SPIRE1: variants seen among roughly 807,000 people sequenced by gnomAD.
The protein encoded by SPIRE1 is protein spire homolog 1.
A neutral mutation model predicts 94.1 loss-of-function variants in SPIRE1; 40 were observed. The ratio of observed to expected loss-of-function variants is 0.43; its 90% CI spans 0.33 to 0.55. The LOEUF is 0.55. Ranked by LOEUF, SPIRE1 falls within the 20% of genes least tolerant of loss-of-function variation. The pLI is 0.06. For missense variants in SPIRE1, 838 were observed against 975.2 expected (o/e 0.86, Z 1.87); for synonymous variants, 376 against 371.7 (o/e 1.01, Z -0.13).
At chr18:12,527,109 G>A (rs2034545179) in intron 4 of SPIRE1, among the ~76,000 whole-genome samples, 1 of 152,118 alleles carries the variant, frequency 6.6e-6, no homozygotes, top group South Asian at 2.1e-4. Flanking sequence ...GCTTTGTGAT[G>A]TCTCCATATG....
chr18:12,589,635 C>A (rs2036476671), intron 2 of SPIRE1, among the ~76,000 whole-genome samples: 1 of 152,150 alleles, frequency 6.6e-6, no homozygotes, highest in African/African-American at 2.4e-5. Flanking sequence ...CTAAAAAAAT[C>A]TTCTGTGCCA....
chr18:12,581,472 A>C (rs1182823595), intron 2 of SPIRE1, among the ~76,000 whole-genome samples: 1 of 152,204 alleles, frequency 6.6e-6, no homozygotes, highest in Non-Finnish European at 1.5e-5. Context: ...AAAATTTAAA[A>C]AGTAAAAAAG....
chr18:12,525,291 A>AT (rs1216976737), intron 4 of SPIRE1, among the ~76,000 whole-genome samples: 89 of 146,682 alleles, frequency 6.1e-4, no homozygotes, highest in African/African-American at 1.9e-3. Flanking sequence ...AAAAAAAAAA[A>AT]AAAAAAATAA....
At chr18:12,578,821 C>T (rs1050179278) in intron 2 of SPIRE1, among the ~76,000 whole-genome samples, 2 of 152,134 alleles carry the variant, frequency 1.3e-5, no homozygotes, top group African/African-American at 4.8e-5. Context: ...AAGAAACACA[C>T]AGGCTATAAA....
intron 10 of SPIRE1, among the ~76,000 whole-genome samples, chr18:12,466,953 A>G (rs369641180): frequency 3.9e-4 from 60 of 152,204 alleles, no homozygotes; most frequent in African/African-American, 1.0e-3. Context: ...AACAGGGCGG[A>G]AAAAAAGGCC....
chr18:12,624,976 C>T (rs1238388262), intron 2 of SPIRE1, among the ~76,000 whole-genome samples: 2 of 151,206 alleles, frequency 1.3e-5, no homozygotes. Flanking sequence ...AATTATGTAT[C>T]CTATGGTCAA....
chr18:12,569,511 C>T (rs573547423), intron 2 of SPIRE1, among the ~76,000 whole-genome samples: 14 of 151,984 alleles, frequency 9.2e-5, no homozygotes, highest in Admixed American at 5.2e-4. Flanking sequence ...ACAAGGGGGG[C>T]TACCAGAAAA....
At chr18:12,635,747 A>C (rs933723689) in intron 1 of SPIRE1, among the ~76,000 whole-genome samples, 1 of 152,212 alleles carries the variant, frequency 6.6e-6, no homozygotes, top group Admixed American at 6.5e-5. Flanking sequence ...CATTTCTGTC[A>C]ATGTCGCTGA....
chr18:12,505,336 G>A (rs2033791948), intron 6 of SPIRE1, among the ~76,000 whole-genome samples: 2 of 152,026 alleles, frequency 1.3e-5, no homozygotes, highest in Non-Finnish European at 2.9e-5. Flanking sequence ...CTTGAGCTCT[G>A]TTAGGAATTA....
chr18:12,572,052 T>C (rs976865067), intron 2 of SPIRE1, among the ~76,000 whole-genome samples: 1 of 152,010 alleles, frequency 6.6e-6, no homozygotes, highest in African/African-American at 2.4e-5. Flanking sequence ...CAGGAGCAGA[T>C]GGGGTTACAG....
At chr18:12,633,969 C>G (rs1016376076) in intron 2 of SPIRE1, among the ~76,000 whole-genome samples, 1 of 152,178 alleles carries the variant, frequency 6.6e-6, no homozygotes, top group Non-Finnish European at 1.5e-5. Flanking sequence ...ATAAACCAGG[C>G]CAGGCACAGT....
At chr18:12,488,212 G>A (rs557485709) in intron 8 of SPIRE1, among the ~76,000 whole-genome samples, 46 of 152,322 alleles carry the variant, frequency 3.0e-4, no homozygotes, top group African/African-American at 1.0e-3. Context: ...CATATAAAGA[G>A]GGTAGAATAA....
intron 3 of SPIRE1, among the ~76,000 whole-genome samples, chr18:12,543,309 A>T (rs2035062287): frequency 6.6e-6 from 1 of 152,158 alleles, no homozygotes; most frequent in Admixed American, 6.5e-5. Flanking sequence ...AAACAAAAAA[A>T]GATCTCACTG....
In SPIRE1 at chr18:12,461,196, T is replaced by C. The variant is rs555090237; in HGVS notation, c.1638+2155A>G. ...GAAGGTCTCAGCATAACTTCTATTATAAGCTGAAACTACCTTGTAGCTAAG... is the reference window on the plus strand; with the variant it reads ...GAAGGTCTCAGCATAACTTCTATTACAAGCTGAAACTACCTTGTAGCTAAG... On this transcript the variant is annotated intron_variant, in intron 12 of 16. Coordinates refer to ENST00000409402, the MANE Select transcript of SPIRE1 (RefSeq NM_001128626.2). Among the ~76,000 whole-genome samples, 79 of 152,312 alleles carry C rather than the reference T, an allele frequency of 5.2e-4. 1 individual carries two copies. Among genetic ancestry groups the C allele is most frequent in the African/African-American group, 1.9e-3 (79 of 41,576 alleles).
At chr18:12,481,318 TC>T (rs1254152951) in intron 9 of SPIRE1, among the ~76,000 whole-genome samples, 1 of 125,352 alleles carries the variant, frequency 8.0e-6, no homozygotes, top group African/African-American at 3.0e-5. Flanking sequence ...AGTAGGATAT[TC>T]CCCCCTAGCA....
chr18:12,467,806 G>A (rs2032182699), intron 10 of SPIRE1, among the ~76,000 whole-genome samples: 1 of 152,076 alleles, frequency 6.6e-6, no homozygotes, highest in Admixed American at 6.5e-5. Flanking sequence ...AAAATAAGCT[G>A]GGTGTGGTGG....
intron 1 of SPIRE1, among the ~76,000 whole-genome samples, chr18:12,648,844 C>A (rs1198105726): frequency 5.8e-5 from 8 of 137,570 alleles, no homozygotes; most frequent in African/African-American, 2.2e-4. Context: ...GAGCCAAGAT[C>A]GCGCCATTGC....
chr18:12,538,155 C>T (rs1362662026), intron 3 of SPIRE1, among the ~76,000 whole-genome samples: 1 of 152,074 alleles, frequency 6.6e-6, no homozygotes, highest in Non-Finnish European at 1.5e-5. Flanking sequence ...CTCTGGAGCC[C>T]AAGTTCTTTT....
chr18:12,527,509 G>C (rs1233534233), intron 4 of SPIRE1, among the ~76,000 whole-genome samples: 1 of 152,102 alleles, frequency 6.6e-6, no homozygotes, highest in Non-Finnish European at 1.5e-5. Flanking sequence ...TGCTGCAGAA[G>C]GCTTTGGATC....
Sources: allele counts gnomAD v4.1 joint callset (sites outside exome capture counted in the v4.1 genomes callset), GRCh38; gene constraint gnomAD v4.1.1; transcripts MANE v1.5; gene names NCBI Gene and HGNC (gene_info 2026-07-23, HGNC 2026-07-21).